The following PPARGC1B variants were observed in gnomAD, a reference collection of about 807,000 sequenced individuals.
PPARGC1B encodes the protein peroxisome proliferator-activated receptor gamma coactivator 1-beta.
A neutral mutation model predicts 101.6 loss-of-function variants in PPARGC1B; 34 were observed. That is an observed-to-expected ratio of 0.33 (90% confidence interval 0.25 to 0.45). The LOEUF is 0.45. PPARGC1B is among the 20% of genes least tolerant of loss of function. The pLI, the probability that PPARGC1B is intolerant of heterozygous loss-of-function variation, is 1.00. For synonymous variants in PPARGC1B, 548 were observed against 539.3 expected, an observed-to-expected ratio of 1.02 and a Z score of -0.22; for missense variants, 1,234 against 1,317.6, an observed-to-expected ratio of 0.94 and a Z score of 0.98.
intron 1 of PPARGC1B, among the ~76,000 whole-genome samples, chr5:149,734,371 G>A (rs1580992010): frequency 7.9e-6 from 1 of 126,422 alleles, no homozygotes; most frequent in African/African-American, 2.9e-5. Flanking sequence ...ATACTGATTT[G>A]TAACTTGGAA....
Position 149,834,852 on chromosome 5 carries a change from C to T in PPARGC1B, c.1742+142C>T, listed in dbSNP as rs967707736. 3 of 736,208 alleles carry T rather than the reference C, an allele frequency of 4.1e-6. No homozygotes were observed. The South Asian group carries it at 5.6e-5, about 14-fold the overall frequency. 45.6% of individuals were successfully genotyped at this position (736,208 alleles called of 1,614,324 possible). On this transcript the variant is annotated intron_variant, in intron 6 of 11. Transcript: ENST00000309241. ...TGTGCCCTGATTGTCATCTGGGACC[C>T]TCAGGAGCTGGGCTCCTTTAGAAGG... is the stretch of plus-strand genomic sequence containing the variant.
Position 149,847,537 on chromosome 5 carries a change from G to A in PPARGC1B, c.3051G>A (p.Glu1017=), listed in dbSNP as rs1311941241. Residue 1017 remains glutamate, a synonymous_variant, in exon 12 of 12, where the codon GAG becomes GAA. Transcript: ENST00000309241. ...EAMDFDSLLK[E]AQQSLH ...TGGATTTTGACAGCTTACTGAAAGA[G>A]GCCCAGCAGAGCCTGCATTGATAAC... The A allele has an allele frequency of 2.5e-6, 4 of 1,613,980 alleles. No individual in the cohort carries two copies. In the Admixed American group the frequency reaches 6.7e-5, roughly 27 times the overall value.
At chr5:149,856,355 C>G (rs1347969668), downstream of PPARGC1B, among the ~76,000 whole-genome samples, 3 of 152,144 alleles carry the variant, frequency 2.0e-5, no homozygotes, top group Non-Finnish European at 4.4e-5. Context: ...GGGCAGAGTT[C>G]TCTGGTGTGA....
chr5:149,798,951 G>T (rs1431257178), intron 1 of PPARGC1B, among the ~76,000 whole-genome samples: 1 of 152,156 alleles, frequency 6.6e-6, no homozygotes, highest in Non-Finnish European at 1.5e-5. Context: ...CCCCCAAGCA[G>T]GGGCTGGGTG....
At chr5:149,733,178 T>G (rs1341975810) in intron 1 of PPARGC1B, among the ~76,000 whole-genome samples, 1 of 152,216 alleles carries the variant, frequency 6.6e-6, no homozygotes, top group Non-Finnish European at 1.5e-5. Context: ...CCCAAAAGAT[T>G]GTTGTTGTCT....
intron 1 of PPARGC1B, among the ~76,000 whole-genome samples, chr5:149,740,461 T>C (rs1754871350): frequency 6.6e-6 from 1 of 152,214 alleles, no homozygotes; most frequent in Non-Finnish European, 1.5e-5. Context: ...GAGGTTCTTC[T>C]TGCAGAGTGT....
At chr5:149,839,368 CTG>C (rs955712881) in intron 8 of PPARGC1B, among the ~76,000 whole-genome samples, 3 of 152,198 alleles carry the variant, frequency 2.0e-5, no homozygotes, top group African/African-American at 7.2e-5. Context: ...TTCTTGTCCT[CTG>C]TGCTGTATTT....
chr5:149,822,499 C>T (rs973126691), intron 2 of PPARGC1B, among the ~76,000 whole-genome samples: 3 of 152,246 alleles, frequency 2.0e-5, no homozygotes, highest in African/African-American at 4.8e-5. Flanking sequence ...GTCCCCAGCC[C>T]CTGCTCCCTG....
Position 149,833,248 on chromosome 5 carries a change from A to G in PPARGC1B, c.1175A>G (p.Glu392Gly), listed in dbSNP as rs1344876949. The G allele has an allele frequency of 6.2e-7, 1 of 1,613,244 alleles. No individual in the cohort carries two copies. Among genetic ancestry groups the G allele is most frequent in the Admixed American group, 1.7e-5 (1 of 60,018 alleles). ...TCCCCTGGTCGCCCGTCCTCGGTGGAGGAGGTAAGGATCGCAGCTTCACCC... is the reference window on the plus strand; with the variant it reads ...TCCCCTGGTCGCCCGTCCTCGGTGGGGGAGGTAAGGATCGCAGCTTCACCC... ...QASPGRPSSV[E>G]EVRIAASPKS... Residue 392 changes from glutamate to glycine, a missense_variant, in exon 5 of 12, where the codon GAG becomes GGG. Glu to Gly is a moderately conservative substitution (Grantham distance 98, BLOSUM62 -2). This residue lies in a region of PPARGC1B where 734 missense variants were observed against 768.4 expected (regional missense o/e 0.96). Coordinates refer to ENST00000309241, the MANE Select transcript of PPARGC1B (RefSeq NM_133263.4). This position sits in a 1 kb window ranked among gnomAD's most constrained non-coding sequence, Gnocchi z 4.1.
intron 1 of PPARGC1B, among the ~76,000 whole-genome samples, chr5:149,754,713 T>A (rs1245848337): frequency 6.6e-6 from 1 of 151,420 alleles, no homozygotes; most frequent in African/African-American, 2.4e-5. Context: ...AGGTCCTGAT[T>A]TGTCTTGCTA....
chr5:149,787,877 G>T (rs1756870433), intron 1 of PPARGC1B, among the ~76,000 whole-genome samples: 1 of 152,224 alleles, frequency 6.6e-6, no homozygotes, highest in Non-Finnish European at 1.5e-5. Flanking sequence ...AATTGGTAAT[G>T]ACTGTCAAAA....
At chr5:149,731,865 C>T (rs932395597) in intron 1 of PPARGC1B, among the ~76,000 whole-genome samples, 29 of 152,046 alleles carry the variant, frequency 1.9e-4, no homozygotes, top group Non-Finnish European at 3.1e-4. Flanking sequence ...AAGCCCGCCA[C>T]GCGGGAGGCA....
rs1420514182 is a variant in PPARGC1B at position 149,801,526 on chromosome 5, G to A, written c.79-18907G>A. 3.3e-5 allele frequency among the ~76,000 whole-genome samples: 5 copies of A among 152,318 alleles called. No individual in the cohort carries two copies. In the South Asian group the frequency reaches 8.3e-4, roughly 25 times the overall value. On this transcript the variant is annotated intron_variant, in intron 1 of 11. Transcript: ENST00000309241. ...CCAGCAGGACTCAGAGTGGCAGTAG[G>A]GAGTGGGTGCTGGTGTGAAATGATG... is the stretch of plus-strand genomic sequence containing the variant.
intron 1 of PPARGC1B, among the ~76,000 whole-genome samples, chr5:149,759,725 C>A (rs999033868): frequency 6.6e-6 from 1 of 152,226 alleles, no homozygotes; most frequent in South Asian, 2.1e-4. Flanking sequence ...ACATCCTTCA[C>A]CAGGCATGCT....
At chr5:149,744,142 C>T (rs1755003107) in intron 1 of PPARGC1B, among the ~76,000 whole-genome samples, 1 of 152,176 alleles carries the variant, frequency 6.6e-6, no homozygotes, top group African/African-American at 2.4e-5. Context: ...AGTGCCCAGC[C>T]CAAGAAAATG....
intron 1 of PPARGC1B, among the ~76,000 whole-genome samples, chr5:149,762,541 T>C: frequency 6.6e-6 from 1 of 152,184 alleles, no homozygotes; most frequent in African/African-American, 2.4e-5. Flanking sequence ...TCAGTGAATC[T>C]ATCTTGTCCT....
At chr5:149,791,308 T>G (rs1757010531) in intron 1 of PPARGC1B, among the ~76,000 whole-genome samples, 1 of 151,164 alleles carries the variant, frequency 6.6e-6, no homozygotes, top group African/African-American at 2.4e-5. Flanking sequence ...AAAAAAAAAT[T>G]TCTATTAAAA....
intron 8 of PPARGC1B, among the ~76,000 whole-genome samples, chr5:149,839,527 C>T (rs886417671): frequency 6.6e-6 from 1 of 152,164 alleles, no homozygotes; most frequent in African/African-American, 2.4e-5. Context: ...TGGCCAGGGG[C>T]TGCTGCTTGG....
In PPARGC1B at chr5:149,847,720, C is replaced by T. The variant is rs1162801705; in HGVS notation, c.*162C>T. On this transcript the variant is annotated 3_prime_UTR_variant, in exon 12 of 12. Transcript: ENST00000309241. ...GCTGTCCTTTAAAAAAAAAAAAAAT[C>T]AATGTTTACATTGAACAAAGCTGCT... 1.7e-6 allele frequency: 1 copy of T among 591,808 alleles called. No homozygotes were observed. Among genetic ancestry groups the T allele is most frequent in the Non-Finnish European group, 3.0e-6 (1 of 332,848 alleles). The allele number at this position is 591,808 out of a possible 1,614,324, so 36.7% of individuals were successfully genotyped here.
Sources: gnomAD v4.1 joint callset for allele counts (sites outside exome capture counted in the v4.1 genomes callset) on GRCh38, gnomAD v4.1.1 for gene constraint, gnomAD v4.1.1 regional missense constraint, Gnocchi (gnomAD v3.1) non-coding constraint, MANE v1.5 for transcripts, NCBI Gene and HGNC (gene_info 2026-07-23, HGNC 2026-07-21) for gene names.